Variants in APP observed in about 807,000 individuals in gnomAD.
APP encodes the protein amyloid-beta precursor protein.
A neutral mutation model predicts 101.4 loss-of-function variants in APP; 31 were observed. The ratio of observed to expected loss-of-function variants is 0.31; its 90% CI spans 0.23 to 0.41. APP has a LOEUF of 0.41. APP is among the 10% of genes least tolerant of loss of function. The pLI is 1.00. For synonymous variants in APP, 366 were observed against 364.4 expected, an observed-to-expected ratio of 1.00 and a Z score of -0.05; for missense variants, 839 against 1,003.7, an observed-to-expected ratio of 0.84 and a Z score of 2.22.
chr21:26,049,963 T>G (rs575533753), intron 5 of APP, among the ~76,000 whole-genome samples: 2 of 152,318 alleles, frequency 1.3e-5, no homozygotes, highest in Admixed American at 6.5e-5. Context: ...AGGAGCTGGC[T>G]AGCATTTCAA....
At chr21:26,101,095 CTTTTTTTTTTTTTTTT>C (rs35407047) in intron 2 of APP, among the ~76,000 whole-genome samples, 2 of 79,318 alleles carry the variant, frequency 2.5e-5, no homozygotes, top group Non-Finnish European at 4.5e-5. Context: ...TTTTTTTTTC[CTTTTTTTTTTTTTTTT>C]TTTTTTTGGG....
intron 17 of APP, among the ~76,000 whole-genome samples, chr21:25,888,149 T>C (rs1457547902): frequency 6.6e-6 from 1 of 152,220 alleles, no homozygotes; most frequent in East Asian, 1.9e-4. Flanking sequence ...GATGTACTCA[T>C]TTTTGTTCTT....
intron 13 of APP, among the ~76,000 whole-genome samples, chr21:25,918,695 C>T (rs1168068301): frequency 1.5e-4 from 23 of 151,768 alleles, no homozygotes; most frequent in Admixed American, 1.3e-3. Flanking sequence ...CGGCGCACCA[C>T]GAGACTATAT....
intron 7 of APP, among the ~76,000 whole-genome samples, chr21:25,999,475 A>G (rs1043081649): frequency 6.6e-6 from 1 of 152,136 alleles, no homozygotes; most frequent in Non-Finnish European, 1.5e-5. Context: ...TTTGAGATGC[A>G]TGAGCTCAAT....
chr21:26,000,228 C>T (rs770310188), intron 6 of APP, 46 bp from the exon 7 acceptor site: 79 of 1,606,310 alleles, frequency 4.9e-5, no homozygotes, highest in Middle Eastern at 1.6e-4. Flanking sequence ...TGAAAAGGCA[C>T]TGTCTCTCTG....
At chr21:26,021,463 G>A (rs2044333943) in intron 6 of APP, among the ~76,000 whole-genome samples, 1 of 152,008 alleles carries the variant, frequency 6.6e-6, no homozygotes, top group African/African-American at 2.4e-5. Context: ...TTACCCTCAA[G>A]GAGCTCATCG....
At chr21:25,925,107 G>A (rs2039827910) in intron 13 of APP, among the ~76,000 whole-genome samples, 1 of 152,152 alleles carries the variant, frequency 6.6e-6, no homozygotes, top group Non-Finnish European at 1.5e-5. Context: ...TGACACAGCT[G>A]CATTGGAAGT....
intron 15 of APP, among the ~76,000 whole-genome samples, chr21:25,898,541 C>T (rs779086345): frequency 6.6e-6 from 1 of 152,160 alleles, no homozygotes; most frequent in African/African-American, 2.4e-5. Flanking sequence ...TCTTCTCTAC[C>T]GTGTTCCCAC....
chr21:26,123,727 G>C (rs1162527529), intron 1 of APP, among the ~76,000 whole-genome samples: 1 of 152,112 alleles, frequency 6.6e-6, no homozygotes, highest in Non-Finnish European at 1.5e-5. Context: ...ATAAAAAATT[G>C]TTGCCGAAAG....
chr21:26,003,146 T>C (rs967257066), intron 6 of APP, among the ~76,000 whole-genome samples: 3 of 152,248 alleles, frequency 2.0e-5, no homozygotes, highest in African/African-American at 4.8e-5. Flanking sequence ...ATAACAGCTA[T>C]GAAACCATTT....
chr21:26,163,940 T>A (rs536461216), intron 1 of APP, among the ~76,000 whole-genome samples: 59 of 152,364 alleles, frequency 3.9e-4, no homozygotes, highest in African/African-American at 1.3e-3. Flanking sequence ...ATAACATGGC[T>A]GGTTACACAA....
chr21:26,145,191 T>A (rs184210383), intron 1 of APP, among the ~76,000 whole-genome samples: 3 of 151,742 alleles, frequency 2.0e-5, no homozygotes, highest in Non-Finnish European at 4.4e-5. Flanking sequence ...AACCAAGGAG[T>A]CCTACATTCA....
chr21:26,124,346 G>A lies in APP; in HGVS notation c.58-12200C>T, dbSNP rs189406732. Among the ~76,000 whole-genome samples, 8 of 152,160 alleles carry A rather than the reference G, an allele frequency of 5.3e-5. No homozygotes were observed. The South Asian group carries it at 6.2e-4, about 12-fold the overall frequency. ...ACCAGCTACAGTTCAACTTGTCCAC[G>A]GACTTCAGGCTCCTCCTAGAAAACA... On this transcript the variant is annotated intron_variant, in intron 1 of 17. Coordinates refer to ENST00000346798, the MANE Select transcript of APP (RefSeq NM_000484.4).
chr21:25,885,447 A>G (rs1449743506), intron 17 of APP, among the ~76,000 whole-genome samples: 1 of 152,232 alleles, frequency 6.6e-6, no homozygotes, highest in African/African-American at 2.4e-5. Flanking sequence ...AAGGAATGAT[A>G]AGACAATGAA....
chr21:25,980,002 G>GA (rs1323989661), intron 9 of APP, among the ~76,000 whole-genome samples: 1 of 152,238 alleles, frequency 6.6e-6, no homozygotes, highest in Admixed American at 6.5e-5. Flanking sequence ...TTCTGAGTAT[G>GA]AAGTGGGGTG....
At chr21:26,049,435 T>TA (rs2045745113) in intron 5 of APP, among the ~76,000 whole-genome samples, 2 of 151,960 alleles carry the variant, frequency 1.3e-5, no homozygotes, top group Non-Finnish European at 2.9e-5. Flanking sequence ...GAGAGAGAGT[T>TA]ACGCTGGGAA....
intron 6 of APP, among the ~76,000 whole-genome samples, chr21:26,001,985 G>A (rs990189278): frequency 7.9e-5 from 12 of 152,336 alleles, no homozygotes; most frequent in Non-Finnish European, 1.3e-4. Context: ...ATAAAATTGC[G>A]AAGTAGATGG....
chr21:26,068,617 C>A (rs1319167447), intron 3 of APP, among the ~76,000 whole-genome samples: 1 of 152,196 alleles, frequency 6.6e-6, no homozygotes, highest in African/African-American at 2.4e-5. Context: ...ACTCTCCTAG[C>A]TTCAGCCTCC....
At chr21:25,999,935 GA>G (rs2043216186) in intron 7 of APP, 79 bp downstream of exon 7, 1 of 1,513,822 alleles carries the variant, frequency 6.6e-7, no homozygotes. Flanking sequence ...CAAGAACCAG[GA>G]AAATCAATCT....
Sources: allele counts gnomAD v4.1 joint callset (sites outside exome capture counted in the v4.1 genomes callset), GRCh38; gene constraint gnomAD v4.1.1; transcripts MANE v1.5; gene names NCBI Gene and HGNC (gene_info 2026-07-23, HGNC 2026-07-21).